SCN10A: variants seen among roughly 807,000 people sequenced by gnomAD.
SCN10A encodes the protein sodium channel protein type 10 subunit alpha.
Under a neutral mutation model 170.7 loss-of-function variants are expected in SCN10A, and 162 were observed. That is an observed-to-expected ratio of 0.95 (90% CI 0.84 to 1.08). The LOEUF is 1.08. Ranked by LOEUF, SCN10A falls within the 50% of genes least tolerant of loss-of-function variation. The pLI, the probability that SCN10A is intolerant of heterozygous loss-of-function variation, is 0.00. For synonymous variants in SCN10A, 985 were observed against 904.6 expected (o/e 1.09, Z -1.59); for missense variants, 2,527 against 2,436.9 (o/e 1.04, Z -0.78).
intron 4 of SCN10A, among the ~76,000 whole-genome samples, chr3:38,779,670 A>G (rs371423872): frequency 6.6e-6 from 1 of 151,968 alleles, no homozygotes; most frequent in South Asian, 2.1e-4. Context: ...CTGAATATGT[A>G]TGTCTTTAAC....
At chr3:38,789,326 G>T (rs148626845) in intron 3 of SCN10A, among the ~76,000 whole-genome samples, 3 of 152,240 alleles carry the variant, frequency 2.0e-5, no homozygotes, top group Admixed American at 6.5e-5. Context: ...AGGTCATGCA[G>T]CTAGTCAACC....
intron 8 of SCN10A, among the ~76,000 whole-genome samples, chr3:38,758,737 C>T (rs550453096): frequency 1.3e-5 from 2 of 151,954 alleles, no homozygotes; most frequent in Admixed American, 1.3e-4. Context: ...CTGAGCTGGC[C>T]TCTCTCTGCC....
chr3:38,697,789 C>T lies in SCN10A; in HGVS notation c.5431G>A (p.Val1811Ile), dbSNP rs1298101080. The change falls in exon 28 of 28, where the codon GTC (valine) becomes ATC (isoleucine). Residue 1811 changes from valine to isoleucine, a missense_variant. Physicochemically the swap from Val to Ile is conservative, Grantham distance 29. Transcript: ENST00000449082. ...TCCAACTCCCCGGATTCTCCTAGGA[C>T]ATTCTTGGTGAAAGCAAAAAGGATG... ...LDILFAFTKNVLGESGELDSL... is the reference protein window; with the variant it reads ...LDILFAFTKNILGESGELDSL... The T allele has an allele frequency of 1.9e-6, 3 of 1,614,202 alleles. No individual in the cohort carries two copies. The highest frequency in any genetic ancestry group is 4.5e-5 in the East Asian group (2 of 44,870).
chr3:38,764,341 G>A (rs2063908607), intron 5 of SCN10A, among the ~76,000 whole-genome samples: 1 of 152,110 alleles, frequency 6.6e-6, no homozygotes, highest in Admixed American at 6.5e-5. Context: ...ACTGTACCCA[G>A]TGTGTAGTCT....
chr3:38,772,730 CAAAAACAA>C (rs1339398755), intron 4 of SCN10A, among the ~76,000 whole-genome samples: 1,540 of 95,750 alleles, frequency 0.016, 34 homozygotes, highest in African/African-American at 0.057. Flanking sequence ...ACAACAAAAA[CAAAAACAA>C]AAAAAAAAAA....
chr3:38,790,585 T>C (rs1447609228), intron 3 of SCN10A, among the ~76,000 whole-genome samples: 1 of 151,856 alleles, frequency 6.6e-6, no homozygotes, highest in Non-Finnish European at 1.5e-5. Context: ...CATGTAATTG[T>C]ATATATTTTG....
At chr3:38,791,922 A>T in intron 3 of SCN10A, 128 bp downstream of exon 3, 2 of 1,257,620 alleles carry the variant, frequency 1.6e-6, no homozygotes, top group Admixed American at 2.3e-5. Flanking sequence ...TTTTCAATCT[A>T]ATGACCTCAT....
chr3:38,760,148 T>C (rs1052221892), intron 8 of SCN10A, among the ~76,000 whole-genome samples: 3 of 152,236 alleles, frequency 2.0e-5, no homozygotes, highest in Non-Finnish European at 4.4e-5. Context: ...CTTGGATCTC[T>C]ACTGGACTGC....
intron 13 of SCN10A, among the ~76,000 whole-genome samples, chr3:38,747,007 G>A (rs1559440161): frequency 2.6e-5 from 4 of 152,092 alleles, no homozygotes; most frequent in Admixed American, 2.6e-4. Flanking sequence ...ATCCTATTAC[G>A]ACTCTGGCAG....
chr3:38,769,389 C>T (rs2063973190), intron 5 of SCN10A, among the ~76,000 whole-genome samples: 1 of 152,038 alleles, frequency 6.6e-6, no homozygotes. Flanking sequence ...CAGGCATGCA[C>T]CACCACATCT....
At chr3:38,791,055 T>A (rs182180325) in intron 3 of SCN10A, among the ~76,000 whole-genome samples, 308 of 152,304 alleles carry the variant, frequency 2.0e-3, no homozygotes, top group Non-Finnish European at 2.4e-3. Flanking sequence ...CAATGACAAC[T>A]GTCCAGAAAT....
At chr3:38,715,978 T>C (rs1305186188) in intron 21 of SCN10A, among the ~76,000 whole-genome samples, 1 of 152,132 alleles carries the variant, frequency 6.6e-6, no homozygotes, top group African/African-American at 2.4e-5. Context: ...GAAGTACAGC[T>C]GGATGAAAAG....
At chr3:38,797,869 C>T (rs1026275345) in intron 1 of SCN10A, among the ~76,000 whole-genome samples, 3 of 152,144 alleles carry the variant, frequency 2.0e-5, no homozygotes, top group Non-Finnish European at 4.4e-5. Context: ...TGCCAAATGA[C>T]CATAATTATT....
At chr3:38,793,604 A>AT (rs2064312295) in intron 2 of SCN10A, 137 bp downstream of exon 2, 2 of 707,804 alleles carry the variant, frequency 2.8e-6, no homozygotes, top group Admixed American at 2.4e-5. Context: ...ATATATATAT[A>AT]TATTTTTTTT....
chr3:38,742,263 T>C (rs1160178527), intron 14 of SCN10A, 28 bp downstream of exon 14: 2 of 1,486,414 alleles, frequency 1.3e-6, no homozygotes, highest in Non-Finnish European at 1.9e-6. Flanking sequence ...ACCACGCCAG[T>C]GAGGGCAGTA....
At chr3:38,810,677 T>C (rs2064435093) in intron 1 of SCN10A, among the ~76,000 whole-genome samples, 3 of 152,246 alleles carry the variant, frequency 2.0e-5, no homozygotes, top group Admixed American at 2.0e-4. Flanking sequence ...CTGTAAGTTC[T>C]ATAAGTTCTA....
chr3:38,749,061 T>C (rs1253879096), intron 13 of SCN10A, among the ~76,000 whole-genome samples: 2 of 152,260 alleles, frequency 1.3e-5, no homozygotes, highest in African/African-American at 4.8e-5. Flanking sequence ...CTAGTTCTAC[T>C]CTACAGTTTC....
chr3:38,730,717 CTTAAAA>C (rs950958499), intron 15 of SCN10A, among the ~76,000 whole-genome samples: 2 of 151,934 alleles, frequency 1.3e-5, no homozygotes, highest in African/African-American at 4.8e-5. Flanking sequence ...AAATATAATA[CTTAAAA>C]TTAAAAATAT....
intron 4 of SCN10A, among the ~76,000 whole-genome samples, chr3:38,772,708 G>GCAACAA (rs1208293668): frequency 1.0e-5 from 1 of 98,664 alleles, no homozygotes; most frequent in Non-Finnish European, 1.9e-5. Context: ...AACAACAACA[G>GCAACAA]CAACAACAAC....
Sources: gnomAD v4.1 joint callset for allele counts (sites outside exome capture counted in the v4.1 genomes callset) on GRCh38, gnomAD v4.1.1 for gene constraint, MANE v1.5 for transcripts, NCBI Gene and HGNC (gene_info 2026-07-23, HGNC 2026-07-21) for gene names.